Variants in VOPP1 observed in about 807,000 individuals in gnomAD.
The protein encoded by VOPP1 is WW domain binding protein VOPP1.
VOPP1 carries 8 observed loss-of-function variants against 23.5 expected under a neutral mutation model. That is an observed-to-expected ratio of 0.34 (90% CI 0.20 to 0.61). The LOEUF (loss-of-function observed/expected upper bound fraction) is 0.61. VOPP1 is among the 20% of genes least tolerant of loss of function. The probability of loss-of-function intolerance (pLI) is 0.78; values close to 1 mark genes in which losing one functional copy is unlikely to be tolerated. For missense variants in VOPP1, 174 were observed against 238.1 expected, an observed-to-expected ratio of 0.73 and a Z score of 1.77; for synonymous variants, 83 against 97.3, an observed-to-expected ratio of 0.85 and a Z score of 0.86.
At chr7:55,544,064 C>A (rs151256932) in intron 1 of VOPP1, among the ~76,000 whole-genome samples, 156 of 152,208 alleles carry the variant, frequency 1.0e-3, no homozygotes, top group African/African-American at 3.5e-3. Context: ...ACATTTAAGT[C>A]TTTGATTTTG....
At chr7:55,501,252 T>A (rs1794346068) in intron 2 of VOPP1, among the ~76,000 whole-genome samples, 1 of 152,258 alleles carries the variant, frequency 6.6e-6, no homozygotes, top group Non-Finnish European at 1.5e-5. Flanking sequence ...CGATATGAGG[T>A]GAAAGGACGG....
intron 1 of VOPP1, among the ~76,000 whole-genome samples, chr7:55,546,944 GAGA>G (rs1424738625): frequency 6.6e-6 from 1 of 152,228 alleles, no homozygotes; most frequent in Admixed American, 6.5e-5. Context: ...CCTGAACATG[GAGA>G]AGGACAGCCT....
At chr7:55,547,019 C>T (rs906902114) in intron 1 of VOPP1, among the ~76,000 whole-genome samples, 3 of 152,274 alleles carry the variant, frequency 2.0e-5, no homozygotes, top group African/African-American at 7.2e-5. Flanking sequence ...TCTCGACCCA[C>T]ATTCTGCCAA....
chr7:55,488,685 C>G (rs1793332985), intron 4 of VOPP1, among the ~76,000 whole-genome samples: 1 of 152,118 alleles, frequency 6.6e-6, no homozygotes, highest in Non-Finnish European at 1.5e-5. Context: ...ACTGCCCCCC[C>G]TGCCCCAGTG....
chr7:55,538,735 T>G, intron 1 of VOPP1: 63 of 1,328,172 alleles, frequency 4.7e-5, no homozygotes, highest in Middle Eastern at 1.8e-4. Context: ...GTCATGGCCA[T>G]TCCTATAAAG....
At chr7:55,564,566 T>C (rs1798103243) in intron 1 of VOPP1, among the ~76,000 whole-genome samples, 1 of 152,146 alleles carries the variant, frequency 6.6e-6, no homozygotes, top group African/African-American at 2.4e-5. Context: ...ACAATCACAA[T>C]CTTGCTTTCC....
At chr7:55,506,978 T>C (rs543266973) in intron 2 of VOPP1, among the ~76,000 whole-genome samples, 4 of 152,346 alleles carry the variant, frequency 2.6e-5, no homozygotes, top group Admixed American at 6.5e-5. Flanking sequence ...AATACACTTA[T>C]GCATTTCCAG....
rs375295958 is a variant in VOPP1, at chr7:55,526,995, G to A, written c.55-5865C>T. On this transcript the variant is annotated intron_variant, in intron 1 of 4. Transcript: ENST00000285279. ...GCTTGAGCCCAATTAGAGTGGGCTC[G>A]TTACACTCCGCACAGGCTGAGAACA... The A allele has an allele frequency of 3.9e-5, 6 of 152,248 alleles. No homozygotes were observed. The East Asian group carries it at 5.8e-4, about 15-fold the overall frequency. 9.4% of individuals were successfully genotyped at this position (152,248 alleles called of 1,614,324 possible).
Position 55,570,008 on chromosome 7 carries a change from A to G in VOPP1, c.54+2263T>C, listed in dbSNP as rs146238802. Among the ~76,000 whole-genome samples the G allele has an allele frequency of 7.4e-4, 113 of 152,282 alleles. 1 individual carries two copies. In the East Asian group the frequency reaches 0.019, roughly 26 times the overall value. ...CAGGCAGAACAAAGGAACAAAGACA[A>G]ATTTCCCAGGTTGCAGCCGGCAGTC... On this transcript the variant is annotated intron_variant, in intron 1 of 4. Transcript: ENST00000285279.
chr7:55,517,271 T>G (rs1795519611), intron 2 of VOPP1, among the ~76,000 whole-genome samples: 1 of 151,562 alleles, frequency 6.6e-6, no homozygotes, highest in African/African-American at 2.4e-5. Context: ...TTTTTTAATG[T>G]GATGTTGAAG....
At chr7:55,544,620 G>A (rs1056162694) in intron 1 of VOPP1, among the ~76,000 whole-genome samples, 3 of 152,246 alleles carry the variant, frequency 2.0e-5, no homozygotes, top group East Asian at 3.8e-4. Flanking sequence ...GGGGGTTTCA[G>A]GGAGGACCTC....
chr7:55,504,965 G>A (rs1008525156), intron 2 of VOPP1, among the ~76,000 whole-genome samples: 1 of 152,154 alleles, frequency 6.6e-6, no homozygotes, highest in Non-Finnish European at 1.5e-5. Flanking sequence ...CATGCTGTAC[G>A]GATGCAGTAC....
chr7:55,485,953 A>G (rs1793108554), intron 4 of VOPP1, among the ~76,000 whole-genome samples: 1 of 152,230 alleles, frequency 6.6e-6, no homozygotes, highest in Non-Finnish European at 1.5e-5. Context: ...CCACGGGGAG[A>G]GGAATGCAGC....
chr7:55,475,659 G>A (rs948058640), intron 4 of VOPP1, among the ~76,000 whole-genome samples: 1 of 152,240 alleles, frequency 6.6e-6, no homozygotes, highest in Non-Finnish European at 1.5e-5. Context: ...GTGTGCCCTG[G>A]GAGGAGCCCT....
At chr7:55,501,276 T>C (rs753432743) in intron 2 of VOPP1, among the ~76,000 whole-genome samples, 1 of 152,274 alleles carries the variant, frequency 6.6e-6, no homozygotes, top group Non-Finnish European at 1.5e-5. Context: ...CGATTTGTAG[T>C]GAATGGCGGA....
At chr7:55,497,749 A>T in intron 2 of VOPP1, 59 bp from the exon 3 acceptor site, 2 of 1,490,776 alleles carry the variant, frequency 1.3e-6, no homozygotes, top group African/African-American at 1.4e-5. Context: ...CGGACCAGCC[A>T]TGCGGCCCAG....
intron 1 of VOPP1, among the ~76,000 whole-genome samples, chr7:55,559,745 T>C (rs1385833997): frequency 6.6e-6 from 1 of 152,024 alleles, no homozygotes; most frequent in African/African-American, 2.4e-5. Context: ...CTACAACCTA[T>C]GTTAATGACT....
At chr7:55,466,252 T>C (rs1791629078), downstream of VOPP1, among the ~76,000 whole-genome samples, 1 of 152,230 alleles carries the variant, frequency 6.6e-6, no homozygotes, top group African/African-American at 2.4e-5. Context: ...TATAGCAGCC[T>C]GAACACATTG....
intron 1 of VOPP1, among the ~76,000 whole-genome samples, chr7:55,564,746 T>C (rs1798109540): frequency 6.6e-6 from 1 of 152,142 alleles, no homozygotes; most frequent in African/African-American, 2.4e-5. Flanking sequence ...ATAAATACTC[T>C]GTTAATCCAC....
Sources: allele counts gnomAD v4.1 joint callset (sites outside exome capture counted in the v4.1 genomes callset), GRCh38; gene constraint gnomAD v4.1.1; transcripts MANE v1.5; gene names NCBI Gene and HGNC (gene_info 2026-07-23, HGNC 2026-07-21).